MCFD2: variants seen among roughly 807,000 people sequenced by gnomAD.
MCFD2 encodes the protein multiple coagulation factor deficiency 2, ER cargo receptor complex subunit.
MCFD2 carries 11 observed loss-of-function variants against 12.8 expected under a neutral mutation model. The ratio of observed to expected loss-of-function variants is 0.86; its 90% CI spans 0.54 to 1.42. MCFD2 has a LOEUF of 1.42. Among genes scored for constraint, MCFD2 ranks in the 40% most tolerant of loss-of-function variants. The pLI is 0.00. For missense variants in MCFD2, 191 were observed against 178.6 expected (o/e 1.07, Z -0.40); for synonymous variants, 70 against 68.1 (o/e 1.03, Z -0.14).
At chr2:46,917,345 C>T (rs566345050), upstream of MCFD2, 225 of 603,466 alleles carry the variant, frequency 3.7e-4, no homozygotes, top group African/African-American at 3.8e-3. Flanking sequence ...AAGACCCATT[C>T]TTCTTTCCTT....
upstream of MCFD2, among the ~76,000 whole-genome samples, chr2:46,919,734 C>T (rs887287433): frequency 1.3e-5 from 2 of 152,140 alleles, no homozygotes; most frequent in Non-Finnish European, 2.9e-5. Flanking sequence ...AAAAGGTGTG[C>T]GTTCTGCACA....
chr2:46,915,402 C>A (rs996995444), intron 1 of MCFD2, among the ~76,000 whole-genome samples: 27 of 152,246 alleles, frequency 1.8e-4, no homozygotes, highest in African/African-American at 6.3e-4. Context: ...GCTTCCGGCC[C>A]GCTGCTTTTG....
intron 1 of MCFD2, among the ~76,000 whole-genome samples, chr2:46,939,026 A>AG (rs1670119877): frequency 6.6e-6 from 1 of 151,672 alleles, no homozygotes; most frequent in African/African-American, 2.4e-5. Context: ...AAAAAAAAAA[A>AG]AGTACTTTGC....
chr2:46,930,035 A>G (rs1176703698), intron 1 of MCFD2, among the ~76,000 whole-genome samples: 1 of 152,202 alleles, frequency 6.6e-6, no homozygotes. Flanking sequence ...TGAGAAATAA[A>G]CTAAGTTGGT....
At chr2:46,921,798 C>T (rs927752230) in intron 1 of MCFD2, among the ~76,000 whole-genome samples, 1 of 152,134 alleles carries the variant, frequency 6.6e-6, no homozygotes, top group Non-Finnish European at 1.5e-5. Context: ...AGTGTGCAAC[C>T]TAGATCCCTT....
At chr2:46,918,603 A>C (rs756973374), upstream of MCFD2, among the ~76,000 whole-genome samples, 10 of 152,238 alleles carry the variant, frequency 6.6e-5, no homozygotes, top group Non-Finnish European at 1.3e-4. Context: ...GGAATTGGCT[A>C]ACTGGAGGTT....
chr2:46,909,247 G>T, intron 1 of MCFD2, 70 bp from the exon 2 acceptor site: 1 of 1,525,708 alleles, frequency 6.6e-7, no homozygotes, highest in Non-Finnish European at 8.9e-7. Flanking sequence ...GGCTTGACAT[G>T]GTATGATCCT....
intron 1 of MCFD2, among the ~76,000 whole-genome samples, chr2:46,931,916 A>G (rs1480629757): frequency 6.6e-6 from 1 of 152,196 alleles, no homozygotes; most frequent in Non-Finnish European, 1.5e-5. Context: ...AATTAATACA[A>G]CTAAGTTGAT....
At position 46,941,659 on chromosome 2, in the gene MCFD2, A is replaced by G; in HGVS notation, c.-95T>C. 1 of 1,552,166 alleles carries G rather than the reference A, an allele frequency of 6.4e-7. No individual in the cohort carries two copies. Among genetic ancestry groups the G allele is most frequent in the African/African-American group, 1.4e-5 (1 of 73,296 alleles). On this transcript the variant is annotated 5_prime_UTR_variant, in exon 1 of 3. Transcript: ENST00000409147. This position sits in a 1 kb window ranked among gnomAD's most constrained non-coding sequence, Gnocchi z 4.2. ...GCTGGTCCGGCAGCTGCAGACGCTG[A>G]GCATGCCCGGCGGCGGAGGTAACAG...
chr2:46,921,215 GA>G (rs1368005791), intron 1 of MCFD2, among the ~76,000 whole-genome samples: 1 of 152,102 alleles, frequency 6.6e-6, no homozygotes, highest in Non-Finnish European at 1.5e-5. Flanking sequence ...AGACTGGGAA[GA>G]AAAAGTAAAA....
At position 46,902,265 on chromosome 2, in the gene MCFD2, C is replaced by G. The variant is rs1353930271; in HGVS notation, c.*3198G>C. Reference sequence around the variant, plus strand: ...CCTGATTTGAAAAGAATCCATGTATCTAGGCTAAAAGAGGTAACTTCAACA... The same window carrying G: ...CCTGATTTGAAAAGAATCCATGTATGTAGGCTAAAAGAGGTAACTTCAACA... On this transcript the variant is annotated 3_prime_UTR_variant, in exon 4 of 4. Coordinates refer to ENST00000319466, the MANE Select transcript of MCFD2 (RefSeq NM_139279.6). 1 of 152,588 alleles carries G rather than the reference C, an allele frequency of 6.6e-6. No individual in the cohort carries two copies. The highest frequency in any genetic ancestry group is 1.5e-5 in the Non-Finnish European group (1 of 68,024). The allele number at this position is 152,588 out of a possible 1,614,324, so 9.5% of individuals were successfully genotyped here.
upstream of MCFD2, among the ~76,000 whole-genome samples, chr2:46,919,909 C>G (rs937901675): frequency 2.0e-5 from 3 of 152,248 alleles, no homozygotes; most frequent in African/African-American, 7.2e-5. Context: ...CTAGGCTCCC[C>G]TGTCAGCTGG....
Position 46,941,368 on chromosome 2 carries a change from T to A in MCFD2, c.-8+204A>T, listed in dbSNP as rs1017197596. The A allele has an allele frequency of 7.5e-6, 3 of 398,120 alleles. No individual in the cohort carries two copies. Among genetic ancestry groups the A allele is most frequent in the African/African-American group, 6.4e-5 (3 of 46,696 alleles). The allele number at this position is 398,120 out of a possible 1,614,324, so 24.7% of individuals were successfully genotyped here. ...GCGGTGCGCTGGGAGCTGCTGGTGC[T>A]GCTGCTGCTGCTGCTGCCCACCCTC... On this transcript the variant is annotated intron_variant, in intron 1 of 2. Transcript: ENST00000409147. This position sits in a 1 kb window ranked among gnomAD's most constrained non-coding sequence, Gnocchi z 4.2.
chr2:46,912,829 A>C (rs1668539463), intron 1 of MCFD2, among the ~76,000 whole-genome samples: 1 of 152,208 alleles, frequency 6.6e-6, no homozygotes, highest in Non-Finnish European at 1.5e-5. Context: ...GCTGGTTCTT[A>C]GCCTGTGTGC....
At chr2:46,917,805 T>A (rs1175199652), upstream of MCFD2, among the ~76,000 whole-genome samples, 1 of 152,238 alleles carries the variant, frequency 6.6e-6, no homozygotes, top group Non-Finnish European at 1.5e-5. Flanking sequence ...CACTGTTTTA[T>A]CAAAGCCAAC....
At position 46,940,708 on chromosome 2, in the gene MCFD2, C is replaced by A. The variant is rs529396592; in HGVS notation, c.-8+864G>T. Among the ~76,000 whole-genome samples, 1 of 152,352 alleles carries A rather than the reference C, an allele frequency of 6.6e-6. No homozygotes were observed. The highest frequency in any genetic ancestry group is 1.9e-4 in the East Asian group (1 of 5,172). ...CTAAAATAAGAAAATACAAATGCTC[C>A]CAGCAGAGGGGCGTCCAGAGAGTCG... On this transcript the variant is annotated intron_variant, in intron 1 of 2. Transcript: ENST00000409147. This position sits in a 1 kb window ranked among gnomAD's most constrained non-coding sequence, Gnocchi z 4.7.
rs1413303875 is a variant in MCFD2 at position 46,940,772 on chromosome 2, T to C, written c.-8+800A>G. ...GGGCCTGGGTCCTCGCGAGCATGCC[T>C]GGCCCGCATCGCAACAGGGCGGGGC... On this transcript the variant is annotated intron_variant, in intron 1 of 2. Transcript: ENST00000409147. The surrounding 1 kb of genome is among the most constrained non-coding windows in gnomAD (Gnocchi z 4.7). Among the ~76,000 whole-genome samples the C allele has an allele frequency of 6.6e-6, 1 of 152,182 alleles. No homozygotes were observed. The highest frequency in any genetic ancestry group is 1.9e-4 in the East Asian group (1 of 5,170).
Position 46,941,403 on chromosome 2 carries a change from G to A in MCFD2, c.-8+169C>T. ...GCTGCTGCCCACCCTCCGCCGCCCGGGCCCCCGCTGCCGCCCGGGCCCCGG... is the reference window on the plus strand; with the variant it reads ...GCTGCTGCCCACCCTCCGCCGCCCGAGCCCCCGCTGCCGCCCGGGCCCCGG... On this transcript the variant is annotated intron_variant, in intron 1 of 2. Transcript: ENST00000409147. The surrounding 1 kb of genome is among the most constrained non-coding windows in gnomAD (Gnocchi z 4.2). 1 of 742,846 alleles carries A rather than the reference G, an allele frequency of 1.3e-6. No homozygotes were observed. Among genetic ancestry groups the A allele is most frequent in the Non-Finnish European group, 1.8e-6 (1 of 570,506 alleles). The allele number at this position is 742,846 out of a possible 1,614,324, so 46.0% of individuals were successfully genotyped here.
At position 46,908,225 on chromosome 2, in the gene MCFD2, C is replaced by T; in HGVS notation, c.150-256G>A. 1.9e-6 allele frequency: 1 copy of T among 519,956 alleles called. No homozygotes were observed. The highest frequency in any genetic ancestry group is 2.1e-5 in the South Asian group (1 of 47,168). The allele number at this position is 519,956 out of a possible 1,614,324, so 32.2% of individuals were successfully genotyped here. A position where few individuals can be genotyped will look rare whatever the true frequency, so the allele number is the denominator to read the frequency against. On this transcript the variant is annotated intron_variant, in intron 2 of 3. Transcript: ENST00000319466. The surrounding 1 kb of genome is among the most constrained non-coding windows in gnomAD (Gnocchi z 4.5). ...CTTTATTATTAGAATTTTGTTATAACATTTTCAGGCCATCAATTTAAAAAT... is the reference window on the plus strand; with the variant it reads ...CTTTATTATTAGAATTTTGTTATAATATTTTCAGGCCATCAATTTAAAAAT...
Sources: gnomAD v4.1 joint callset for allele counts (sites outside exome capture counted in the v4.1 genomes callset) on GRCh38, gnomAD v4.1.1 for gene constraint, Gnocchi (gnomAD v3.1) non-coding constraint, MANE v1.5 for transcripts, NCBI Gene and HGNC (gene_info 2026-07-23, HGNC 2026-07-21) for gene names.